Variants in TUSC3 observed in about 807,000 individuals in gnomAD.
TUSC3 encodes the protein dolichyl-diphosphooligosaccharide--protein glycosyltransferase subunit TUSC3.
A neutral mutation model predicts 44.8 loss-of-function variants in TUSC3; 45 were observed. The ratio of observed to expected loss-of-function variants is 1.00; its 90% CI spans 0.79 to 1.29. The LOEUF is 1.29. Among genes scored for constraint, TUSC3 ranks in the 50% most tolerant of loss-of-function variants. TUSC3 has a pLI of 0.00. For missense variants in TUSC3, 519 were observed against 437.9 expected (o/e 1.19, Z -1.65); for synonymous variants, 212 against 152.9 (o/e 1.39, Z -2.85).
chr8:15,567,858 A>C (rs904281898), intron 1 of TUSC3, among the ~76,000 whole-genome samples: 1 of 152,162 alleles, frequency 6.6e-6, no homozygotes, highest in Non-Finnish European at 1.5e-5. Context: ...AGCACTAAAA[A>C]ATTACTAAGA....
chr8:15,757,850 CCT>C lies in TUSC3; in HGVS notation c.*43_*44del. On this transcript the variant is annotated 3_prime_UTR_variant, in exon 10 of 11. Transcript: ENST00000503731. ...ACCATGGCACTTAAAAACTCTATAA[CCT>C]CAGGCAAGTCTTTTAATCTTCTCTG... 2 of 1,377,238 alleles carry C rather than the reference CCT, an allele frequency of 1.5e-6. No individual in the cohort carries two copies. Among genetic ancestry groups the C allele is most frequent in the Non-Finnish European group, 2.1e-6 (2 of 964,200 alleles). The allele number at this position is 1,377,238 out of a possible 1,614,324, so 85.3% of individuals were successfully genotyped here. A position where few individuals can be genotyped will look rare whatever the true frequency, so the allele number is the denominator to read the frequency against.
chr8:15,678,658 A>G (rs1385559173), intron 6 of TUSC3, among the ~76,000 whole-genome samples: 1 of 152,184 alleles, frequency 6.6e-6, no homozygotes, highest in Non-Finnish European at 1.5e-5. Context: ...CTTTTTAAAA[A>G]TTTTAAATTG....
chr8:15,652,815 G>C (rs1806974092), intron 3 of TUSC3, among the ~76,000 whole-genome samples: 1 of 152,176 alleles, frequency 6.6e-6, no homozygotes, highest in Non-Finnish European at 1.5e-5. Context: ...CTAGAGCACA[G>C]TCTTGAGGCC....
intron 1 of TUSC3, among the ~76,000 whole-genome samples, chr8:15,545,744 G>A (rs563112668): frequency 6.6e-6 from 1 of 151,832 alleles, no homozygotes; most frequent in East Asian, 2.0e-4. Context: ...TCAAGCTAAA[G>A]AGTAATCAAC....
the TUSC3 span, among the ~76,000 whole-genome samples, chr8:15,823,902 C>T: frequency 7.2e-5 from 11 of 152,144 alleles, no homozygotes; most frequent in Admixed American, 1.3e-4. Context: ...GTGTAGTTTC[C>T]GCTAACGGAT....
chr8:15,464,267 T>A (rs1800386780), intron 1 of TUSC3, among the ~76,000 whole-genome samples: 1 of 152,184 alleles, frequency 6.6e-6, no homozygotes, highest in Non-Finnish European at 1.5e-5. Flanking sequence ...GTAGTCTTAT[T>A]AAATTACTCC....
chr8:15,582,319 A>G (rs1803400839), intron 1 of TUSC3, among the ~76,000 whole-genome samples: 1 of 152,196 alleles, frequency 6.6e-6, no homozygotes, highest in Non-Finnish European at 1.5e-5. Context: ...CTGTTCAGCC[A>G]TCTTCCTCTG....
chr8:15,847,732 T>G, the TUSC3 span, among the ~76,000 whole-genome samples: 1 of 152,254 alleles, frequency 6.6e-6, no homozygotes, highest in Admixed American at 6.5e-5. Flanking sequence ...TATATACAAA[T>G]TATGGATCTC....
At chr8:15,539,283 T>G (rs551671043), upstream of TUSC3, among the ~76,000 whole-genome samples, 98 of 151,326 alleles carry the variant, frequency 6.5e-4, no homozygotes, top group African/African-American at 2.4e-3. Flanking sequence ...ATAAAAACCA[T>G]GATGCATTAG....
At chr8:15,586,034 A>T (rs899181646) in intron 1 of TUSC3, among the ~76,000 whole-genome samples, 1 of 152,210 alleles carries the variant, frequency 6.6e-6, no homozygotes, top group Admixed American at 6.5e-5. Flanking sequence ...TCAGGGAGTT[A>T]TGAGGGGAAC....
At chr8:15,567,647 T>A (rs1293362086) in intron 1 of TUSC3, among the ~76,000 whole-genome samples, 3 of 151,962 alleles carry the variant, frequency 2.0e-5, no homozygotes, top group African/African-American at 7.3e-5. Flanking sequence ...AGCATGAGAG[T>A]GAGCAAAAAA....
chr8:15,805,116 G>C, the TUSC3 span, among the ~76,000 whole-genome samples: 6 of 152,192 alleles, frequency 3.9e-5, no homozygotes, highest in African/African-American at 1.4e-4. Context: ...ACGTGTTCCT[G>C]ATTTGGTTCT....
chr8:15,585,572 G>T (rs545999213), intron 1 of TUSC3, among the ~76,000 whole-genome samples: 5 of 152,142 alleles, frequency 3.3e-5, no homozygotes, highest in Non-Finnish European at 7.4e-5. Context: ...TGCATAAAGC[G>T]TGAATTTCTT....
chr8:15,825,843 G>A, the TUSC3 span, among the ~76,000 whole-genome samples: 1 of 148,464 alleles, frequency 6.7e-6, no homozygotes, highest in African/African-American at 2.5e-5. Flanking sequence ...TAATTCTGGT[G>A]AAATAATTGA....
At chr8:15,696,025 G>A (rs1275809397) in intron 6 of TUSC3, among the ~76,000 whole-genome samples, 3 of 152,198 alleles carry the variant, frequency 2.0e-5, no homozygotes, top group Non-Finnish European at 4.4e-5. Flanking sequence ...TTTCTGAGGA[G>A]AAATTCAAGC....
rs375349046 is a variant in TUSC3 at position 15,464,681 on chromosome 8, C to T, written n.92-18705C>T. ...GAGATATGGGACTTTAATTTTTAACCAAAATGTATGATACTGTTAAAACTT... is the reference window on the plus strand; with the variant it reads ...GAGATATGGGACTTTAATTTTTAACTAAAATGTATGATACTGTTAAAACTT... On this transcript the variant is annotated intron_variant and non_coding_transcript_variant, in intron 1 of 5. Transcript: ENST00000503191. 2.0e-4 allele frequency among the ~76,000 whole-genome samples: 31 copies of T among 152,092 alleles called. No homozygotes were observed. In the South Asian group the frequency reaches 6.4e-3, roughly 32 times the overall value.
Position 15,449,556 on chromosome 8 carries a change from A to C in TUSC3, n.91+32251A>C, listed in dbSNP as rs553698237. ...TAAAATCAGTGGTGGAGGACTTTTG[A>C]AACTGCTGGTTTCTCTTTAGCCCTT... On this transcript the variant is annotated intron_variant and non_coding_transcript_variant, in intron 1 of 5. Transcript: ENST00000503191. 4.6e-5 allele frequency among the ~76,000 whole-genome samples: 7 copies of C among 152,158 alleles called. No homozygotes were observed. The South Asian group carries it at 8.3e-4, about 18-fold the overall frequency.
chr8:15,439,153 C>G (rs114140894), intron 1 of TUSC3, among the ~76,000 whole-genome samples: 2,219 of 152,276 alleles, frequency 0.015, 48 homozygotes, highest in Middle Eastern at 0.051. Context: ...TCACCCATTT[C>G]CCTCTGACCT....
At chr8:15,648,087 C>G (rs942199961) in intron 2 of TUSC3, among the ~76,000 whole-genome samples, 3 of 152,094 alleles carry the variant, frequency 2.0e-5, no homozygotes, top group Non-Finnish European at 4.4e-5. Context: ...TGTTTCACCT[C>G]TCCTCTATTT....
Sources: gnomAD v4.1 joint callset for allele counts (sites outside exome capture counted in the v4.1 genomes callset) on GRCh38, gnomAD v4.1.1 for gene constraint, MANE v1.5 for transcripts, NCBI Gene and HGNC (gene_info 2026-07-23, HGNC 2026-07-21) for gene names.